Variants in ARHGEF3 observed in about 807,000 individuals in gnomAD.
The protein encoded by ARHGEF3 is 59.8 kDA protein.
A neutral mutation model predicts 63.2 loss-of-function variants in ARHGEF3; 28 were observed. The ratio of observed to expected loss-of-function variants is 0.44; its 90% CI spans 0.33 to 0.61. The LOEUF (loss-of-function observed/expected upper bound fraction) is 0.61. ARHGEF3 is among the 20% of genes least tolerant of loss of function. ARHGEF3 has a pLI of 0.03. For synonymous variants in ARHGEF3, 266 were observed against 254.2 expected, an observed-to-expected ratio of 1.05 and a Z score of -0.44; for missense variants, 533 against 659.3, an observed-to-expected ratio of 0.81 and a Z score of 2.10.
At chr3:56,913,010 A>C (rs1390882717) in intron 3 of ARHGEF3, among the ~76,000 whole-genome samples, 1 of 152,072 alleles carries the variant, frequency 6.6e-6, no homozygotes, top group African/African-American at 2.4e-5. Context: ...ATGGTGGTGC[A>C]TACCTGTAGT....
At chr3:56,799,193 G>A (rs1428031041) in intron 1 of ARHGEF3, among the ~76,000 whole-genome samples, 1 of 152,138 alleles carries the variant, frequency 6.6e-6, no homozygotes, top group African/African-American at 2.4e-5. Flanking sequence ...GGTATCAAAT[G>A]CACATCAATG....
At chr3:56,786,024 T>A (rs1172058136) in intron 1 of ARHGEF3, among the ~76,000 whole-genome samples, 1 of 152,180 alleles carries the variant, frequency 6.6e-6, no homozygotes, top group Non-Finnish European at 1.5e-5. Context: ...CCTGGTTAAC[T>A]CCCAGCTGTC....
At chr3:56,813,541 T>C (rs887797943) in intron 4 of ARHGEF3, among the ~76,000 whole-genome samples, 1 of 152,186 alleles carries the variant, frequency 6.6e-6, no homozygotes, top group Admixed American at 6.5e-5. Context: ...GATTCTGCTG[T>C]TATGAAATGC....
intron 1 of ARHGEF3, among the ~76,000 whole-genome samples, chr3:56,796,627 C>T (rs2037382965): frequency 6.6e-6 from 1 of 152,186 alleles, no homozygotes; most frequent in Non-Finnish European, 1.5e-5. Flanking sequence ...AAAAATGGGC[C>T]TTTGAGCATC....
intron 2 of ARHGEF3, among the ~76,000 whole-genome samples, chr3:56,762,938 C>T (rs530957058): frequency 1.3e-5 from 2 of 152,254 alleles, no homozygotes; most frequent in African/African-American, 2.4e-5. Flanking sequence ...TGGTCTCTGT[C>T]ACATTTGACC....
chr3:56,955,119 C>T (rs1338511872), intron 3 of ARHGEF3, among the ~76,000 whole-genome samples: 1 of 152,100 alleles, frequency 6.6e-6, no homozygotes, highest in African/African-American at 2.4e-5. Flanking sequence ...CCTCGTCCCC[C>T]ACCCCATCCC....
At chr3:57,031,937 A>G (rs1703751411) in intron 2 of ARHGEF3, among the ~76,000 whole-genome samples, 1 of 152,150 alleles carries the variant, frequency 6.6e-6, no homozygotes. Context: ...TGAATCTATG[A>G]TTTCTTCTGG....
At chr3:56,969,145 C>G (rs548454302) in intron 2 of ARHGEF3, among the ~76,000 whole-genome samples, 21,155 of 151,714 alleles carry the variant, frequency 0.14, 1,599 homozygotes, top group East Asian at 0.25. Context: ...GTATAAAGAT[C>G]TACTTGAACA....
At position 56,755,106 on chromosome 3, in the gene ARHGEF3, G is replaced by T; in HGVS notation, c.250C>A (p.Pro84Thr). 6.2e-7 allele frequency: 1 copy of T among 1,614,004 alleles called. No individual in the cohort carries two copies. The highest frequency in any genetic ancestry group is 8.5e-7 in the Non-Finnish European group (1 of 1,180,032). The change falls in exon 3 of 10, where the codon CCC (proline) becomes ACC (threonine). Residue 84 changes from proline (P) to threonine (T), a missense_variant. Pro to Thr is a conservative substitution (Grantham distance 38, BLOSUM62 -1). Around this residue, in one of 4 missense-constraint regions of ARHGEF3, gnomAD observed 160 missense variants for 157.3 expected, o/e 1.02. Coordinates refer to ENST00000296315, the MANE Select transcript of ARHGEF3 (RefSeq NM_019555.3). ...GCGGCATTTCTGGACCAGGGTCGGG[G>T]GGCGAGGATGTCAGGGCGGCTCTCA... is the stretch of plus-strand genomic sequence containing the variant. ...RSESRPDILAPRPWSRNAAPS... is the reference protein window; with the variant it reads ...RSESRPDILATRPWSRNAAPS...
chr3:57,076,823 T>C (rs993338293), intron 1 of ARHGEF3: 4 of 152,214 alleles, frequency 2.6e-5, no homozygotes, highest in Admixed American at 2.6e-4. Context: ...CAGGAGTCAG[T>C]AGTCAACAGG....
intron 4 of ARHGEF3, among the ~76,000 whole-genome samples, chr3:56,815,280 T>C (rs1004754047): frequency 1.3e-5 from 2 of 152,206 alleles, no homozygotes; most frequent in Non-Finnish European, 2.9e-5. Flanking sequence ...GATTTAAACA[T>C]AAATGTGTAT....
At chr3:56,868,997 C>T (rs1407203840) in intron 4 of ARHGEF3, among the ~76,000 whole-genome samples, 2 of 152,170 alleles carry the variant, frequency 1.3e-5, no homozygotes, top group Non-Finnish European at 2.9e-5. Context: ...CTCATTAATT[C>T]TAAAACAATA....
chr3:56,947,339 G>C (rs1699562374), intron 3 of ARHGEF3, among the ~76,000 whole-genome samples: 2 of 152,148 alleles, frequency 1.3e-5, no homozygotes, highest in Non-Finnish European at 2.9e-5. Context: ...TGGCAAATTG[G>C]ATAAAGACTC....
rs769525938 is a variant in ARHGEF3 at position 56,745,190 on chromosome 3, AACAG to A, written c.870+11_870+14del. The A allele has an allele frequency of 3.1e-6, 5 of 1,608,582 alleles. No homozygotes were observed. In the Admixed American group the frequency reaches 6.7e-5, roughly 22 times the overall value. On this transcript the variant is annotated intron_variant, in intron 7 of 9. Coordinates refer to ENST00000296315, the MANE Select transcript of ARHGEF3 (RefSeq NM_019555.3). The stretch of plus-strand genomic sequence containing the variant: ...GAAATAACAAGAAGAGAGAGAAGGA[AACAG>A]ACAAACTTACAGCTTCTTCCAAGTG...
chr3:57,029,016 C>CA (rs1579123404), intron 2 of ARHGEF3, among the ~76,000 whole-genome samples: 1 of 150,802 alleles, frequency 6.6e-6, no homozygotes, highest in South Asian at 2.1e-4. Context: ...CACACACACA[C>CA]CTCCCAAAAT....
chr3:56,785,874 T>C (rs2036779155), intron 1 of ARHGEF3, among the ~76,000 whole-genome samples: 1 of 152,194 alleles, frequency 6.6e-6, no homozygotes, highest in African/African-American at 2.4e-5. Flanking sequence ...CCAAGGGCAC[T>C]GGGTCTGCAG....
intron 8 of ARHGEF3, among the ~76,000 whole-genome samples, chr3:56,733,984 C>CAAAA (rs777924213): frequency 6.7e-4 from 37 of 55,032 alleles, no homozygotes; most frequent in East Asian, 2.3e-3. Flanking sequence ...AATTCTGTCT[C>CAAAA]AAAAAAAAAA....
chr3:56,928,744 TGTGCCAAGAAACAGCCAGGGTTGA>T (rs1332940358), intron 3 of ARHGEF3, among the ~76,000 whole-genome samples: 9 of 152,230 alleles, frequency 5.9e-5, no homozygotes, highest in Non-Finnish European at 1.3e-4. Flanking sequence ...AAGGAAAAAC[TGTGCCAAGAAACAGCCAGGGTTGA>T]GTGGGATTTA....
chr3:56,742,898 A>C (rs1258877776), intron 7 of ARHGEF3, among the ~76,000 whole-genome samples: 1 of 152,182 alleles, frequency 6.6e-6, no homozygotes, highest in African/African-American at 2.4e-5. Flanking sequence ...TTTAAATTCA[A>C]ACTTTAGCTC....
Sources: allele counts gnomAD v4.1 joint callset (sites outside exome capture counted in the v4.1 genomes callset), GRCh38; gene constraint gnomAD v4.1.1; regional missense constraint gnomAD v4.1.1; transcripts MANE v1.5; gene names NCBI Gene and HGNC (gene_info 2026-07-23, HGNC 2026-07-21).